The following CMKLR1 variants were observed in gnomAD, a reference collection of about 807,000 sequenced individuals.
CMKLR1 encodes chemerin chemokine-like receptor 1.
Under a neutral mutation model 8.2 loss-of-function variants are expected in CMKLR1, and 6 were observed. That is an observed-to-expected ratio of 0.73 (90% CI 0.40 to 1.44). CMKLR1 has a LOEUF of 1.44. CMKLR1 is among the 40% of genes most tolerant of loss of function. The pLI is 0.02. For missense variants in CMKLR1, 429 were observed against 478.0 expected, an observed-to-expected ratio of 0.90 and a Z score of 0.96; for synonymous variants, 178 against 181.2, an observed-to-expected ratio of 0.98 and a Z score of 0.14.
rs1316557585 is a variant in CMKLR1, at chr12:108,312,422, A to G, written c.-74+17573T>C. 2.6e-5 allele frequency among the ~76,000 whole-genome samples: 4 copies of G among 152,198 alleles called. No homozygotes were observed. The East Asian group carries it at 7.7e-4, about 29-fold the overall frequency. On this transcript the variant is annotated intron_variant, in intron 2 of 3. Coordinates refer to ENST00000550402, the MANE Select transcript of CMKLR1 (RefSeq NM_001142343.2). Reference sequence around the variant, plus strand: ...CCAGCACGGCTTCTCCATGGGGAAGAGCCCTCACCCACTGCCTGTCACAGG... The same window carrying G: ...CCAGCACGGCTTCTCCATGGGGAAGGGCCCTCACCCACTGCCTGTCACAGG...
Position 108,292,888 on chromosome 12 carries a change from A to T in CMKLR1, c.75T>A (p.Ile25=), listed in dbSNP as rs1187705891. ...GDEYPDYLDS[I]VVLEDLSPLE... is the part of the protein sequence containing the mutation. Reference sequence around the variant, plus strand: ...AGGGGGATAAGTCCTCCAAAACCACAATGGAGTCTAAATAATCAGGGTATT... The same window carrying T: ...AGGGGGATAAGTCCTCCAAAACCACTATGGAGTCTAAATAATCAGGGTATT... The change falls in exon 4 of 4, where the codon ATT becomes ATA. Residue 25 remains isoleucine, a synonymous_variant. Transcript: ENST00000550402. 6.2e-7 allele frequency: 1 copy of T among 1,614,072 alleles called. No homozygotes were observed. The highest frequency in any genetic ancestry group is 1.7e-5 in the Admixed American group (1 of 60,028).
intron 1 of CMKLR1, among the ~76,000 whole-genome samples, chr12:108,337,884 G>A (rs960735433): frequency 3.3e-5 from 5 of 152,282 alleles, no homozygotes; most frequent in African/African-American, 9.6e-5. Flanking sequence ...GGCATTTAGA[G>A]GAATCTTACC....
chr12:108,300,120 C>A (rs1891230245), intron 2 of CMKLR1, among the ~76,000 whole-genome samples: 1 of 152,178 alleles, frequency 6.6e-6, no homozygotes. Flanking sequence ...GGGCTTTGTT[C>A]GGTTTCGTTT....
chr12:108,308,984 A>G (rs1891481832), intron 2 of CMKLR1, among the ~76,000 whole-genome samples: 2 of 152,118 alleles, frequency 1.3e-5, no homozygotes, highest in Admixed American at 1.3e-4. Context: ...AGGAAGACAA[A>G]CACATCTGGA....
In CMKLR1 at chr12:108,330,155, G is replaced by C. The variant is rs758708493; in HGVS notation, c.-234C>G. ...ATCAGCTTCTGCTATCATTGTTGCAGAGCCCTGAGCCTCCTGGTAGAAAAA... is the reference window on the plus strand; with the variant it reads ...ATCAGCTTCTGCTATCATTGTTGCACAGCCCTGAGCCTCCTGGTAGAAAAA... On this transcript the variant is annotated 5_prime_UTR_variant, in exon 2 of 4. Transcript: ENST00000550402. 4 of 152,190 alleles carry C rather than the reference G, an allele frequency of 2.6e-5. No homozygotes were observed. Among genetic ancestry groups the C allele is most frequent in the Non-Finnish European group, 5.9e-5 (4 of 68,054 alleles). The allele number at this position is 152,190 out of a possible 1,614,324, so 9.4% of individuals were successfully genotyped here. A position where few individuals can be genotyped will look rare whatever the true frequency, so the allele number is the denominator to read the frequency against.
intron 2 of CMKLR1, among the ~76,000 whole-genome samples, chr12:108,300,127 G>A (rs573955801): frequency 1.8e-4 from 28 of 152,304 alleles, no homozygotes; most frequent in African/African-American, 4.8e-4. Flanking sequence ...GTTCGGTTTC[G>A]TTTTGTTTCT....
At chr12:108,312,541 C>T (rs1173780753) in intron 2 of CMKLR1, among the ~76,000 whole-genome samples, 1 of 152,210 alleles carries the variant, frequency 6.6e-6, no homozygotes. Flanking sequence ...AGACGGCATA[C>T]TCAGTGCCTC....
In CMKLR1 at chr12:108,310,472, G is replaced by A. The variant is rs563273326; in HGVS notation, c.-73-16808C>T. Among the ~76,000 whole-genome samples, 55 of 152,258 alleles carry A rather than the reference G, an allele frequency of 3.6e-4. 3 individuals carry two copies. In the South Asian group the frequency reaches 0.011, roughly 30 times the overall value. ...CCAGTTCCAGGCCTACCCAGAAAGTGCAGTTTTTGGAGGCTCCAGGCATCA... is the reference window on the plus strand; with the variant it reads ...CCAGTTCCAGGCCTACCCAGAAAGTACAGTTTTTGGAGGCTCCAGGCATCA... On this transcript the variant is annotated intron_variant, in intron 2 of 3. Transcript: ENST00000550402.
intron 2 of CMKLR1, among the ~76,000 whole-genome samples, chr12:108,296,405 G>C (rs1312651706): frequency 6.6e-6 from 1 of 152,206 alleles, no homozygotes; most frequent in Non-Finnish European, 1.5e-5. Flanking sequence ...TATTTCTCAG[G>C]CTTCCACTCT....
intron 2 of CMKLR1, among the ~76,000 whole-genome samples, chr12:108,296,216 G>A (rs1292488094): frequency 6.6e-6 from 1 of 152,108 alleles, no homozygotes; most frequent in Non-Finnish European, 1.5e-5. Flanking sequence ...GGATCTGCAG[G>A]AACTCCCCTG....
intron 2 of CMKLR1, among the ~76,000 whole-genome samples, chr12:108,324,813 T>C (rs1465269294): frequency 7.8e-6 from 1 of 127,612 alleles, no homozygotes; most frequent in Admixed American, 8.5e-5. Flanking sequence ...TCCTTGCAAG[T>C]GTTTACTGAG....
Position 108,290,057 on chromosome 12 carries a change from A to T in CMKLR1, c.*1784T>A, listed in dbSNP as rs934676954. ...TTGCCTTGATCTCTGGAGACATAGG[A>T]GGTGGGAGCCACGGTAGGAGGCTGT... On this transcript the variant is annotated 3_prime_UTR_variant, in exon 4 of 4. Coordinates refer to ENST00000550402, the MANE Select transcript of CMKLR1 (RefSeq NM_001142343.2). 1 of 152,246 alleles carries T rather than the reference A, an allele frequency of 6.6e-6. No homozygotes were observed. Among genetic ancestry groups the T allele is most frequent in the Admixed American group, 6.5e-5 (1 of 15,288 alleles). The allele number at this position is 152,246 out of a possible 1,614,324, so 9.4% of individuals were successfully genotyped here. A position where few individuals can be genotyped will look rare whatever the true frequency, so the allele number is the denominator to read the frequency against.
At chr12:108,334,203 G>T (rs1393486352) in intron 1 of CMKLR1, among the ~76,000 whole-genome samples, 2 of 152,274 alleles carry the variant, frequency 1.3e-5, no homozygotes, top group Admixed American at 6.5e-5. Context: ...TGTAGTAGAT[G>T]CTAATAAATG....
chr12:108,310,459 C>T (rs1038843026), intron 2 of CMKLR1, among the ~76,000 whole-genome samples: 4 of 152,098 alleles, frequency 2.6e-5, no homozygotes, highest in Non-Finnish European at 4.4e-5. Flanking sequence ...AGTTCCAGGC[C>T]TACCCAGAAA....
In CMKLR1 at chr12:108,311,912, G is replaced by A. The variant is rs1204799144; in HGVS notation, c.-74+18083C>T. Reference sequence around the variant, plus strand: ...CTGCTCCCTGTGCTTAAGGAGCCCAGTACCCCGAGCATGGTTCAAAGCACC... The same window carrying A: ...CTGCTCCCTGTGCTTAAGGAGCCCAATACCCCGAGCATGGTTCAAAGCACC... On this transcript the variant is annotated intron_variant, in intron 2 of 3. Transcript: ENST00000550402. 3.3e-5 allele frequency among the ~76,000 whole-genome samples: 5 copies of A among 152,342 alleles called. No homozygotes were observed. In the East Asian group the frequency reaches 9.7e-4, roughly 29 times the overall value.
chr12:108,300,099 C>G (rs1219580652), intron 2 of CMKLR1, among the ~76,000 whole-genome samples: 1 of 152,198 alleles, frequency 6.6e-6, no homozygotes, highest in Non-Finnish European at 1.5e-5. Flanking sequence ...CAGACAGGTC[C>G]TCTGGATATT....
chr12:108,331,832 T>G (rs1892115588), intron 1 of CMKLR1, among the ~76,000 whole-genome samples: 1 of 152,098 alleles, frequency 6.6e-6, no homozygotes, highest in African/African-American at 2.4e-5. Flanking sequence ...GCAAACAGAT[T>G]CTCCCCTAGG....
intron 3 of CMKLR1, among the ~76,000 whole-genome samples, chr12:108,293,166 C>G (rs1440064830): frequency 1.3e-5 from 2 of 152,204 alleles, no homozygotes; most frequent in Non-Finnish European, 1.5e-5. Context: ...TCTACACTCT[C>G]TTAATCTTCA....
chr12:108,292,264 G>C lies in CMKLR1; in HGVS notation c.699C>G (p.Val233=). ...TRFLCGFLVP[V]LIITACYLTI... ...TGAGGTAGCAAGCTGTGATGATGAG[G>C]ACTGGGACCAGGAAGCCACAGAGGA... Residue 233 remains valine (V), a synonymous_variant, in exon 4 of 4, where the codon GTC becomes GTG. Coordinates refer to ENST00000550402, the MANE Select transcript of CMKLR1 (RefSeq NM_001142343.2). The C allele has an allele frequency of 6.2e-7, 1 of 1,614,154 alleles. No individual in the cohort carries two copies. The highest frequency in any genetic ancestry group is 1.1e-5 in the South Asian group (1 of 91,080).
Sources: gnomAD v4.1 joint callset for allele counts (sites outside exome capture counted in the v4.1 genomes callset) on GRCh38, gnomAD v4.1.1 for gene constraint, MANE v1.5 for transcripts, NCBI Gene and HGNC (gene_info 2026-07-23, HGNC 2026-07-21) for gene names.